The following DAB1 variants were observed in gnomAD, a reference collection of about 807,000 sequenced individuals.
DAB1 encodes disabled homolog 1.
Under a neutral mutation model 64.6 loss-of-function variants are expected in DAB1, and 15 were observed. The ratio of observed to expected loss-of-function variants is 0.23; its 90% CI spans 0.16 to 0.36. DAB1 has a LOEUF of 0.36. DAB1 is among the 10% of genes least tolerant of loss of function. The pLI is 1.00. For synonymous variants in DAB1, 235 were observed against 251.9 expected (o/e 0.93, Z 0.64); for missense variants, 596 against 706.7 (o/e 0.84, Z 1.78).
At chr1:58,195,435 G>A (rs1044475189) in intron 4 of DAB1, among the ~76,000 whole-genome samples, 2 of 152,152 alleles carry the variant, frequency 1.3e-5, no homozygotes, top group African/African-American at 4.8e-5. Context: ...AGAGGGCAAT[G>A]TTTTGAAGGA....
intron 6 of DAB1, among the ~76,000 whole-genome samples, chr1:57,750,593 A>G (rs1029697344): frequency 3.9e-5 from 6 of 152,326 alleles, no homozygotes; most frequent in South Asian, 4.1e-4. Flanking sequence ...AATAAATAGT[A>G]GTTGAAATGA....
intron 6 of DAB1, among the ~76,000 whole-genome samples, chr1:57,670,186 G>T (rs998542800): frequency 2.0e-5 from 3 of 152,054 alleles, no homozygotes; most frequent in Non-Finnish European, 4.4e-5. Context: ...CTTATTGTGG[G>T]TGTTACATAT....
intron 1 of DAB1, among the ~76,000 whole-genome samples, chr1:57,312,751 A>T (rs570055623): frequency 2.6e-5 from 4 of 152,150 alleles, no homozygotes; most frequent in Admixed American, 2.6e-4. Context: ...CAGGGAAATG[A>T]GGGCCAAACT....
At chr1:57,685,126 C>A (rs1180713463) in intron 6 of DAB1, among the ~76,000 whole-genome samples, 2 of 151,370 alleles carry the variant, frequency 1.3e-5, no homozygotes, top group African/African-American at 4.9e-5. Flanking sequence ...CTACTTTTTT[C>A]TATTTTTAGT....
intron 1 of DAB1, among the ~76,000 whole-genome samples, chr1:57,311,754 C>T (rs781522807): frequency 9.2e-5 from 14 of 152,168 alleles, no homozygotes; most frequent in Non-Finnish European, 1.9e-4. Flanking sequence ...CATCAGTGGA[C>T]ACCTTAACTC....
chr1:58,466,417 G>C (rs777985124), intron 3 of DAB1, among the ~76,000 whole-genome samples: 2 of 151,828 alleles, frequency 1.3e-5, no homozygotes, highest in Non-Finnish European at 2.9e-5. Context: ...ATCCTGTCTC[G>C]GTTTCTGCTT....
At chr1:57,818,343 G>A (rs900263270) in intron 6 of DAB1, among the ~76,000 whole-genome samples, 10 of 152,152 alleles carry the variant, frequency 6.6e-5, no homozygotes. Flanking sequence ...CACTTCTAAC[G>A]CCCCATGTCC....
chr1:58,049,539 G>T (rs559762160), intron 5 of DAB1, among the ~76,000 whole-genome samples: 2 of 152,238 alleles, frequency 1.3e-5, no homozygotes, highest in Admixed American at 1.3e-4. Context: ...TATGACATAG[G>T]TTGTGACCTG....
intron 7 of DAB1, among the ~76,000 whole-genome samples, chr1:57,477,551 T>C (rs1046362023): frequency 6.6e-6 from 1 of 152,162 alleles, no homozygotes; most frequent in Non-Finnish European, 1.5e-5. Flanking sequence ...TGCTGCGTAT[T>C]GTGCTTGGTT....
intron 5 of DAB1, among the ~76,000 whole-genome samples, chr1:58,125,528 A>G (rs553941602): frequency 9.9e-5 from 15 of 151,570 alleles, no homozygotes; most frequent in Middle Eastern, 3.4e-3. Flanking sequence ...TGCAGCCTCA[A>G]CCTCCCAGTC....
chr1:58,311,905 C>G (rs925629972), intron 4 of DAB1, among the ~76,000 whole-genome samples: 1 of 151,934 alleles, frequency 6.6e-6, no homozygotes, highest in African/African-American at 2.4e-5. Context: ...CTTATTACAC[C>G]CATTTTATAG....
At chr1:58,189,526 C>A (rs1484453322) in intron 4 of DAB1, among the ~76,000 whole-genome samples, 1 of 152,200 alleles carries the variant, frequency 6.6e-6, no homozygotes, top group East Asian at 1.9e-4. Flanking sequence ...CTCCGATGTG[C>A]CACTCAAGAT....
intron 5 of DAB1, among the ~76,000 whole-genome samples, chr1:57,919,543 T>C (rs573033518): frequency 3.9e-5 from 6 of 152,338 alleles, no homozygotes; most frequent in African/African-American, 1.4e-4. Context: ...AGAAAGGGCA[T>C]AGACTCTAGG....
intron 4 of DAB1, among the ~76,000 whole-genome samples, chr1:57,122,329 C>A (rs1363617960): frequency 6.6e-6 from 1 of 152,156 alleles, no homozygotes; most frequent in African/African-American, 2.4e-5. Context: ...TTTATTTTTA[C>A]AGATGAGAGT....
Position 57,679,404 on chromosome 1 carries a change from C to A in DAB1, n.552-29739G>T, listed in dbSNP as rs184658793. 1.3e-4 allele frequency among the ~76,000 whole-genome samples: 20 copies of A among 152,322 alleles called. No homozygotes were observed. In the East Asian group the frequency reaches 2.9e-3, roughly 22 times the overall value. On this transcript the variant is annotated intron_variant and non_coding_transcript_variant, in intron 6 of 20. Transcript: ENST00000485760. ...TATTAACTGTGGAATAGGCTGAAGA[C>A]TCCAGAACAGGGAATGTGGACAAGA...
intron 1 of DAB1, among the ~76,000 whole-genome samples, chr1:57,376,769 G>A (rs1680930681): frequency 6.6e-6 from 1 of 152,132 alleles, no homozygotes; most frequent in African/African-American, 2.4e-5. Context: ...AAGATAAAAG[G>A]ACTCATCAAA....
At chr1:57,135,182 C>G (rs990737932) in intron 4 of DAB1, among the ~76,000 whole-genome samples, 3 of 152,138 alleles carry the variant, frequency 2.0e-5, no homozygotes, top group African/African-American at 4.8e-5. Context: ...TTTTGTGCAA[C>G]CAAAACCACT....
intron 7 of DAB1, among the ~76,000 whole-genome samples, chr1:57,461,095 T>G: frequency 6.6e-6 from 1 of 152,174 alleles, no homozygotes; most frequent in East Asian, 1.9e-4. Context: ...CAGGTAGAAA[T>G]AGAGTACAAG....
chr1:58,520,923 G>T (rs1251891444), intron 2 of DAB1, among the ~76,000 whole-genome samples: 1 of 151,998 alleles, frequency 6.6e-6, no homozygotes, highest in Admixed American at 6.6e-5. Flanking sequence ...CAAGAATATA[G>T]AAGATCTGAA....
Sources: gnomAD v4.1 joint callset for allele counts (sites outside exome capture counted in the v4.1 genomes callset) on GRCh38, gnomAD v4.1.1 for gene constraint, MANE v1.5 for transcripts, NCBI Gene and HGNC (gene_info 2026-07-23, HGNC 2026-07-21) for gene names.